Variants in RABGEF1 observed in about 807,000 individuals in gnomAD.
The protein encoded by RABGEF1 is RAB guanine nucleotide exchange factor 1.
A neutral mutation model predicts 57.3 loss-of-function variants in RABGEF1; 26 were observed. That is an observed-to-expected ratio of 0.45 (90% CI 0.33 to 0.63). The LOEUF is 0.63. Ranked by LOEUF, RABGEF1 falls within the 20% of genes least tolerant of loss-of-function variation. The pLI, the probability that RABGEF1 is intolerant of heterozygous loss-of-function variation, is 0.02. For synonymous variants in RABGEF1, 185 were observed against 210.7 expected (o/e 0.88, Z 1.06); for missense variants, 464 against 607.6 (o/e 0.76, Z 2.48).
rs376970862 is a variant in RABGEF1, at chr7:66,808,873, C to T, written c.1078-13C>T. The T allele has an allele frequency of 1.1e-5, 17 of 1,546,960 alleles. No homozygotes were observed. The highest frequency in any genetic ancestry group is 2.8e-5 in the African/African-American group (2 of 72,388). On this transcript the variant is annotated splice_polypyrimidine_tract_variant and intron_variant, in intron 8 of 8. Coordinates refer to ENST00000284957, the MANE Select transcript of RABGEF1 (RefSeq NM_014504.3). ...TTTCCTAATATGACTGTATTAACGT[C>T]CTCTTCTTGTAGTGCTGTGCTGTGG...
intron 3 of RABGEF1, among the ~76,000 whole-genome samples, chr7:66,780,736 AT>A (rs1221128372): frequency 6.6e-6 from 1 of 152,160 alleles, no homozygotes; most frequent in Non-Finnish European, 1.5e-5. Context: ...GTATATATAT[AT>A]TTAGGGTTGC....
At chr7:66,717,097 C>G (rs1188155463) in intron 2 of RABGEF1, among the ~76,000 whole-genome samples, 1 of 152,130 alleles carries the variant, frequency 6.6e-6, no homozygotes, top group Admixed American at 6.6e-5. Flanking sequence ...TTTTTTATGC[C>G]TCACTGTTTC....
At chr7:66,683,766 G>A (rs1468812437) in intron 1 of RABGEF1, among the ~76,000 whole-genome samples, 1 of 140,120 alleles carries the variant, frequency 7.1e-6, no homozygotes, top group East Asian at 2.2e-4. Context: ...TGAGAGAGAG[G>A]GTCTCACTTT....
chr7:66,674,616 T>A, the RABGEF1 span, among the ~76,000 whole-genome samples: 1 of 152,032 alleles, frequency 6.6e-6, no homozygotes, highest in Non-Finnish European at 1.5e-5. Flanking sequence ...TAAATAATAA[T>A]AAATAATAAA....
At chr7:66,694,634 T>C (rs543575416) in intron 1 of RABGEF1, among the ~76,000 whole-genome samples, 19 of 152,294 alleles carry the variant, frequency 1.2e-4, no homozygotes, top group Admixed American at 3.3e-4. Flanking sequence ...GTGACGTGGA[T>C]GTCACGATAC....
At chr7:66,783,427 G>GA (rs1810430306) in intron 3 of RABGEF1, among the ~76,000 whole-genome samples, 1 of 152,176 alleles carries the variant, frequency 6.6e-6, no homozygotes, top group Non-Finnish European at 1.5e-5. Context: ...AATACTAATA[G>GA]AACAACTTTT....
rs566086354 is a variant in RABGEF1 at position 66,806,600 on chromosome 7, A to T, written c.1077+1204A>T. Among the ~76,000 whole-genome samples the T allele has an allele frequency of 2.7e-5, 4 of 150,436 alleles. No homozygotes were observed. The South Asian group carries it at 8.4e-4, about 32-fold the overall frequency. Reference sequence around the variant, plus strand: ...AATCTGTAGTACTGAAAAAAGTTTAAGTGGCCCATATAGAATGAGATTAGA... The same window carrying T: ...AATCTGTAGTACTGAAAAAAGTTTATGTGGCCCATATAGAATGAGATTAGA... On this transcript the variant is annotated intron_variant, in intron 8 of 8. Transcript: ENST00000284957.
At chr7:66,685,243 T>C (rs1392584826) in intron 1 of RABGEF1, among the ~76,000 whole-genome samples, 3 of 135,416 alleles carry the variant, frequency 2.2e-5, no homozygotes, top group East Asian at 5.0e-4. Context: ...AACCTCCACC[T>C]CCTGGGTTCA....
chr7:66,773,690 G>T (rs890892259), intron 2 of RABGEF1: 20 of 453,898 alleles, frequency 4.4e-5, no homozygotes, highest in Admixed American at 3.8e-4. Context: ...TTTTGAGACA[G>T]GGTCTTGCTC....
intron 1 of RABGEF1, among the ~76,000 whole-genome samples, chr7:66,767,300 G>C (rs1182982602): frequency 6.6e-6 from 1 of 151,852 alleles, no homozygotes; most frequent in African/African-American, 2.4e-5. Context: ...ACTGTGCCCA[G>C]CCGAGGTTTT....
intron 4 of RABGEF1, among the ~76,000 whole-genome samples, chr7:66,792,783 A>G (rs1422134568): frequency 6.6e-6 from 1 of 152,192 alleles, no homozygotes; most frequent in African/African-American, 2.4e-5. Context: ...TTCAACCCAT[A>G]CTGAGCACTA....
At chr7:66,720,882 A>G (rs1026085290) in intron 2 of RABGEF1, among the ~76,000 whole-genome samples, 4 of 152,114 alleles carry the variant, frequency 2.6e-5, no homozygotes, top group Non-Finnish European at 5.9e-5. Context: ...AGCTCAAACA[A>G]TGGGAACTGA....
intron 1 of RABGEF1, among the ~76,000 whole-genome samples, chr7:66,742,750 A>T (rs745659091): frequency 6.6e-6 from 1 of 152,102 alleles, no homozygotes; most frequent in Non-Finnish European, 1.5e-5. Context: ...AAGACTGCAG[A>T]TGCGTGCCAC....
At chr7:66,777,252 G>A (rs1439027489) in intron 3 of RABGEF1, among the ~76,000 whole-genome samples, 2 of 152,128 alleles carry the variant, frequency 1.3e-5, no homozygotes, top group Admixed American at 6.5e-5. Flanking sequence ...AGTAAAACAA[G>A]TATAAAATTA....
chr7:66,726,704 G>T (rs1333594584), intron 2 of RABGEF1, among the ~76,000 whole-genome samples: 1 of 151,806 alleles, frequency 6.6e-6, no homozygotes, highest in East Asian at 2.0e-4. Flanking sequence ...TAATGAAATG[G>T]TCTAAAATGG....
intron 2 of RABGEF1, among the ~76,000 whole-genome samples, chr7:66,726,613 G>A (rs575947508): frequency 2.6e-5 from 4 of 152,050 alleles, no homozygotes; most frequent in South Asian, 4.1e-4. Context: ...GTAATCCCCC[G>A]ACCTCAGCCT....
rs551778214 is a variant in RABGEF1 at position 66,742,099 on chromosome 7, C to T, written c.-18+1307C>T. The stretch of plus-strand genomic sequence containing the variant: ...CCGGGAGGCGGAGGTTGCAGTGAGC[C>T]GAAATCGTGCCACTGCACTCCAGCC... On this transcript the variant is annotated intron_variant, in intron 1 of 8. Coordinates refer to ENST00000284957, the MANE Select transcript of RABGEF1 (RefSeq NM_014504.3). Among the ~76,000 whole-genome samples the T allele has an allele frequency of 1.3e-4, 19 of 151,714 alleles. No homozygotes were observed. In the East Asian group the frequency reaches 1.9e-3, roughly 15 times the overall value.
intron 4 of RABGEF1, among the ~76,000 whole-genome samples, 188 bp from the exon 5 acceptor site, chr7:66,795,323 G>A (rs566816397): frequency 2.0e-5 from 3 of 152,142 alleles, no homozygotes; most frequent in Admixed American, 2.0e-4. Flanking sequence ...GGAAAAGTCC[G>A]GCAACAATGG....
chr7:66,738,151 G>C (rs937931492), upstream of RABGEF1, among the ~76,000 whole-genome samples: 8 of 151,838 alleles, frequency 5.3e-5, no homozygotes, highest in African/African-American at 1.9e-4. Context: ...CTCCAGAGTA[G>C]CTGGGATTAC....
Sources: gnomAD v4.1 joint callset for allele counts (sites outside exome capture counted in the v4.1 genomes callset) on GRCh38, gnomAD v4.1.1 for gene constraint, MANE v1.5 for transcripts, NCBI Gene and HGNC (gene_info 2026-07-23, HGNC 2026-07-21) for gene names.